The following SLC36A1 variants were observed in gnomAD, a reference collection of about 807,000 sequenced individuals.
SLC36A1 encodes solute carrier family 36 member 1.
Under a neutral mutation model 47.5 loss-of-function variants are expected in SLC36A1, and 30 were observed. The observed-to-expected ratio is 0.63, with a 90% CI of 0.47 to 0.86. SLC36A1 has a LOEUF of 0.86. SLC36A1 is among the 40% of genes least tolerant of loss of function. SLC36A1 has a pLI of 0.00. For missense variants in SLC36A1, 517 were observed against 606.0 expected (o/e 0.85, Z 1.54); for synonymous variants, 255 against 249.7 (o/e 1.02, Z -0.20).
At chr5:151,480,474 C>T (rs984607780) in intron 10 of SLC36A1, among the ~76,000 whole-genome samples, 1 of 152,186 alleles carries the variant, frequency 6.6e-6, no homozygotes, top group Non-Finnish European at 1.5e-5. Flanking sequence ...GGAAAGTTGT[C>T]TAGCATTTGC....
intron 10 of SLC36A1, among the ~76,000 whole-genome samples, chr5:151,486,443 T>C (rs888134870): frequency 6.6e-6 from 1 of 152,254 alleles, no homozygotes; most frequent in African/African-American, 2.4e-5. Context: ...TATTCTCTTT[T>C]GTTTGTTTTT....
the SLC36A1 span, among the ~76,000 whole-genome samples, chr5:151,400,783 G>A: frequency 6.6e-6 from 1 of 152,032 alleles, no homozygotes; most frequent in Non-Finnish European, 1.5e-5. Context: ...GTGATGTTGA[G>A]CATTTTTTCA....
At chr5:151,500,222 G>A in the SLC36A1 span, among the ~76,000 whole-genome samples, 1 of 152,124 alleles carries the variant, frequency 6.6e-6, no homozygotes, top group African/African-American at 2.4e-5. Flanking sequence ...AGGCCGACCT[G>A]GACTGGAATC....
At chr5:151,497,939 C>CTT in the SLC36A1 span, among the ~76,000 whole-genome samples, 174 of 143,560 alleles carry the variant, frequency 1.2e-3, 1 homozygote, top group African/African-American at 4.0e-3. Context: ...GGGGGATGTC[C>CTT]TTTTTTTTTT....
intron 1 of SLC36A1, among the ~76,000 whole-genome samples, chr5:151,441,866 A>G (rs1174054508): frequency 6.6e-6 from 1 of 152,208 alleles, no homozygotes; most frequent in Non-Finnish European, 1.5e-5. Flanking sequence ...AATCATCACA[A>G]TCAAGATGGT....
the SLC36A1 span, among the ~76,000 whole-genome samples, chr5:151,539,011 T>C: frequency 6.6e-6 from 1 of 152,074 alleles, no homozygotes; most frequent in Non-Finnish European, 1.5e-5. Context: ...AGGCCTCTTT[T>C]TTCTGTTCTA....
chr5:151,499,346 A>G, the SLC36A1 span, among the ~76,000 whole-genome samples: 1 of 152,234 alleles, frequency 6.6e-6, no homozygotes, highest in African/African-American at 2.4e-5. Context: ...GTGATGGACC[A>G]GCACCTGGGT....
chr5:151,344,816 CTAG>C, the SLC36A1 span, among the ~76,000 whole-genome samples: 1 of 152,096 alleles, frequency 6.6e-6, no homozygotes, highest in African/African-American at 2.4e-5. Flanking sequence ...TGTCATAAAA[CTAG>C]TAGTAGAGAC....
At chr5:151,434,310 C>G (rs912095494), upstream of SLC36A1, among the ~76,000 whole-genome samples, 33 of 152,018 alleles carry the variant, frequency 2.2e-4, no homozygotes, top group African/African-American at 7.7e-4. Context: ...GAAAGATACT[C>G]TGAAGAGTAA....
At chr5:151,385,693 C>A in the SLC36A1 span, among the ~76,000 whole-genome samples, 1 of 151,752 alleles carries the variant, frequency 6.6e-6, no homozygotes, top group Admixed American at 6.6e-5. Context: ...AATCTTAGGG[C>A]AACACCCCAA....
At chr5:151,479,188 T>G (rs1758479777) in intron 9 of SLC36A1, 132 bp from the exon 10 acceptor site, 1 of 858,184 alleles carries the variant, frequency 1.2e-6, no homozygotes, top group Non-Finnish European at 1.8e-6. Flanking sequence ...ATGAAATTGC[T>G]GGGTCCGAAG....
the SLC36A1 span, among the ~76,000 whole-genome samples, chr5:151,421,553 G>C: frequency 6.8e-6 from 1 of 146,934 alleles, no homozygotes; most frequent in Non-Finnish European, 1.5e-5. Context: ...ATCTTGTAGA[G>C]TTTTTTCTTT....
the SLC36A1 span, among the ~76,000 whole-genome samples, chr5:151,517,929 C>T: frequency 6.6e-6 from 1 of 152,144 alleles, no homozygotes; most frequent in Non-Finnish European, 1.5e-5. Context: ...CCTTTCTAGC[C>T]TCACACGTAG....
the SLC36A1 span, among the ~76,000 whole-genome samples, chr5:151,369,007 A>G: frequency 3.4e-3 from 525 of 152,338 alleles, 3 homozygotes; most frequent in African/African-American, 0.012. Context: ...ACATGCTAAC[A>G]CGTGGATGGA....
chr5:151,432,906 T>C (rs778454097), upstream of SLC36A1, among the ~76,000 whole-genome samples: 1 of 151,986 alleles, frequency 6.6e-6, no homozygotes, highest in African/African-American at 2.4e-5. Flanking sequence ...CTTCTACATA[T>C]AGAATACAGC....
chr5:151,554,788 A>G, the SLC36A1 span: 1 of 825,162 alleles, frequency 1.2e-6, no homozygotes, highest in Non-Finnish European at 1.9e-6. Flanking sequence ...TGTACTTTTT[A>G]TTATCATAAC....
chr5:151,467,569 G>A, intron 6 of SLC36A1, 138 bp from the exon 7 acceptor site: 1 of 720,404 alleles, frequency 1.4e-6, no homozygotes, highest in Middle Eastern at 4.0e-4. Flanking sequence ...GTTCTCTAAA[G>A]ATGGCTCACT....
At chr5:151,348,737 A>C in the SLC36A1 span, among the ~76,000 whole-genome samples, 1 of 152,216 alleles carries the variant, frequency 6.6e-6, no homozygotes. Context: ...TTGTTTTTAC[A>C]GATGTGGAAA....
At chr5:151,485,307 G>T (rs1759370111) in intron 10 of SLC36A1, among the ~76,000 whole-genome samples, 2 of 152,172 alleles carry the variant, frequency 1.3e-5, no homozygotes, top group African/African-American at 2.4e-5. Flanking sequence ...ATGAAGAACT[G>T]CCCCAGAGTA....
Sources: gnomAD v4.1 joint callset for allele counts (sites outside exome capture counted in the v4.1 genomes callset) on GRCh38, gnomAD v4.1.1 for gene constraint, MANE v1.5 for transcripts, NCBI Gene and HGNC (gene_info 2026-07-23, HGNC 2026-07-21) for gene names.